UBAP2L: variants seen among roughly 807,000 people sequenced by gnomAD.
UBAP2L encodes ubiquitin-associated protein 2-like.
In UBAP2L, 12 loss-of-function variants were observed where a neutral mutation model predicts 130.6. That is an observed-to-expected ratio of 0.09 (90% CI 0.06 to 0.15). The LOEUF (loss-of-function observed/expected upper bound fraction) is 0.15. Ranked by LOEUF, UBAP2L falls within the 10% of genes least tolerant of loss-of-function variation. UBAP2L has a pLI of 1.00. For synonymous variants in UBAP2L, 503 were observed against 524.7 expected (o/e 0.96, Z 0.57); for missense variants, 965 against 1,332.5 (o/e 0.72, Z 4.29).
intron 1 of UBAP2L, among the ~76,000 whole-genome samples, chr1:154,223,959 T>A (rs1465486305): frequency 6.6e-6 from 1 of 152,154 alleles, no homozygotes; most frequent in Non-Finnish European, 1.5e-5. Context: ...CTTACCCTCT[T>A]TGGAAGGGAA....
chr1:154,228,540 C>T, intron 3 of UBAP2L, 75 bp from the exon 4 acceptor site: 1 of 1,147,696 alleles, frequency 8.7e-7, no homozygotes, highest in Non-Finnish European at 1.3e-6. Context: ...ATAGCGTTTC[C>T]CTTCACCTAG....
Position 154,255,678 on chromosome 1 carries a change from G to T in UBAP2L, c.2085-5G>T. 1.2e-6 allele frequency: 2 copies of T among 1,613,690 alleles called. No homozygotes were observed. The highest frequency in any genetic ancestry group is 2.2e-5 in the South Asian group (2 of 91,006). ...GGCTGATGGCAGCCTCTTTTTTTCT[G>T]ACAGCACGTTATCTACGCAGCAGAA... On this transcript the variant is annotated splice_region_variant and splice_polypyrimidine_tract_variant and intron_variant, in intron 17 of 26. Transcript: ENST00000428931.
intron 4 of UBAP2L, among the ~76,000 whole-genome samples, chr1:154,232,323 C>CA (rs201210068): frequency 0.051 from 6,175 of 121,688 alleles, 213 homozygotes; most frequent in African/African-American, 0.12. Flanking sequence ...ACTAAGTTTC[C>CA]AAAAAAAAAA....
At chr1:154,261,733 TG>T in intron 24 of UBAP2L, 36 bp downstream of exon 24, 1 of 1,599,434 alleles carries the variant, frequency 6.3e-7, no homozygotes, top group Non-Finnish European at 8.6e-7. Context: ...GTGTTATCTG[TG>T]GGGTGTTATT....
In UBAP2L at chr1:154,243,258, A is replaced by G. The variant is rs1674176297; in HGVS notation, c.798A>G (p.Ser266=). 6.2e-7 allele frequency: 1 copy of G among 1,612,112 alleles called. No individual in the cohort carries two copies. The highest frequency in any genetic ancestry group is 8.5e-7 in the Non-Finnish European group (1 of 1,178,468). Residue 266 remains serine (S), a synonymous_variant, in exon 10 of 27, where the codon TCA becomes TCG. Transcript: ENST00000428931. ...TCTTCACTGCCTCTAATGTGTCTTC[A>G]GTGCCTCTGCCTGCGGAGAATGTGA... ...TKIFTASNVS[S]VPLPAENVTI... is the part of the protein sequence containing the mutation.
chr1:154,258,792 A>G, intron 20 of UBAP2L, 185 bp from the exon 21 acceptor site: 2 of 536,780 alleles, frequency 3.7e-6, no homozygotes, highest in South Asian at 2.2e-5. Flanking sequence ...AAGACCTTTC[A>G]TGAATCATTT....
At chr1:154,249,962 A>G (rs1676964470) in intron 12 of UBAP2L, among the ~76,000 whole-genome samples, 1 of 151,614 alleles carries the variant, frequency 6.6e-6, no homozygotes, top group Non-Finnish European at 1.5e-5. Flanking sequence ...CCTTAGATTT[A>G]TCTTCAGTGT....
intron 23 of UBAP2L, 137 bp downstream of exon 23, chr1:154,261,246 A>T: frequency 4.8e-6 from 5 of 1,046,422 alleles, no homozygotes; most frequent in Non-Finnish European, 6.8e-6. Context: ...TTTTGGCCTG[A>T]TGCAGGGTGG....
At chr1:154,232,759 A>G (rs554085905) in intron 4 of UBAP2L, among the ~76,000 whole-genome samples, 191 of 152,232 alleles carry the variant, frequency 1.3e-3, no homozygotes, top group African/African-American at 4.5e-3. Flanking sequence ...GTACAGTCAC[A>G]TAACCACGAC....
At chr1:154,238,582 G>A (rs1055778681) in intron 8 of UBAP2L, among the ~76,000 whole-genome samples, 2 of 152,146 alleles carry the variant, frequency 1.3e-5, no homozygotes, top group Admixed American at 1.3e-4. Flanking sequence ...GAAAGGTAGT[G>A]TGTGTGTTAA....
chr1:154,226,260 C>T (rs969572284), intron 2 of UBAP2L, among the ~76,000 whole-genome samples: 1 of 152,212 alleles, frequency 6.6e-6, no homozygotes, highest in East Asian at 1.9e-4. Flanking sequence ...GGCAACTTCA[C>T]TATGTTTCTT....
At position 154,221,013 on chromosome 1, in the gene UBAP2L, G is replaced by GGCGGCA. The variant is rs1002086919; in HGVS notation, c.-41+48_-41+53dup. On this transcript the variant is annotated intron_variant, in intron 1 of 26. Coordinates refer to ENST00000428931, the MANE Select transcript of UBAP2L (RefSeq NM_014847.4). Reference sequence around the variant, plus strand: ...GCGCAGCGGCGTTGGCGGCGGCGGCGGCGGCAGCGGCAGCGCGGCGGGGCC... The same window carrying GGCGGCA: ...GCGCAGCGGCGTTGGCGGCGGCGGCGGCGGCAGCGGCAGCGGCAGCGCGGCGGGGCC... The GGCGGCA allele has an allele frequency of 1.6e-4, 33 of 201,958 alleles. 1 individual carries two copies. In the East Asian group the frequency reaches 1.7e-3, roughly 11 times the overall value. 12.5% of individuals were successfully genotyped at this position (201,958 alleles called of 1,614,324 possible).
intron 18 of UBAP2L, among the ~76,000 whole-genome samples, chr1:154,256,257 G>A (rs1207963710): frequency 6.6e-6 from 1 of 152,202 alleles, no homozygotes. Context: ...TTGGACAAAA[G>A]TATCAGATTT....
intron 11 of UBAP2L, among the ~76,000 whole-genome samples, chr1:154,247,664 G>A (rs1675965831): frequency 6.6e-6 from 1 of 152,164 alleles, no homozygotes; most frequent in Non-Finnish European, 1.5e-5. Context: ...AGGAGTTCAA[G>A]ACTATAGTGA....
At chr1:154,255,864 AT>A in intron 18 of UBAP2L, 109 bp downstream of exon 18, 1 of 1,339,482 alleles carries the variant, frequency 7.5e-7, no homozygotes, top group Non-Finnish European at 1.1e-6. Flanking sequence ...AGGTGGCAAA[AT>A]AATTGATTTG....
intron 25 of UBAP2L, among the ~76,000 whole-genome samples, chr1:154,268,529 T>G (rs112541923): frequency 4.5e-4 from 68 of 152,296 alleles, no homozygotes; most frequent in African/African-American, 1.6e-3. Context: ...ATCCCTGTTT[T>G]ATATCTGAGG....
In UBAP2L at chr1:154,241,563, G is replaced by C. The variant is rs1285257965; in HGVS notation, c.754G>C (p.Asp252His). 1 of 1,614,048 alleles carries C rather than the reference G, an allele frequency of 6.2e-7. No homozygotes were observed. Among genetic ancestry groups the C allele is most frequent in the Admixed American group, 1.7e-5 (1 of 60,012 alleles). ...EEWGTEDWNEDLSETKIFTAS... is the reference protein window; with the variant it reads ...EEWGTEDWNEHLSETKIFTAS... ...GTGGGGGACTGAAGATTGGAATGAAGATGTAGGTATTCCCAGGTCATTCCT... is the reference window on the plus strand; with the variant it reads ...GTGGGGGACTGAAGATTGGAATGAACATGTAGGTATTCCCAGGTCATTCCT... Residue 252 changes from aspartate (D) to histidine (H), a missense_variant and splice_region_variant, in exon 9 of 27, where the codon GAT becomes CAT. Transcript: ENST00000428931.
chr1:154,224,266 A>G (rs1256641421), intron 1 of UBAP2L, among the ~76,000 whole-genome samples: 2 of 152,220 alleles, frequency 1.3e-5, no homozygotes, highest in African/African-American at 2.4e-5. Context: ...ACTTTGTGCT[A>G]GATGCTTTTG....
At chr1:154,245,977 A>C (rs998633599) in intron 10 of UBAP2L, among the ~76,000 whole-genome samples, 2 of 152,212 alleles carry the variant, frequency 1.3e-5, no homozygotes, top group South Asian at 2.1e-4. Context: ...TCACTTAAAA[A>C]ATTAACCATT....
Sources: gnomAD v4.1 joint callset for allele counts (sites outside exome capture counted in the v4.1 genomes callset) on GRCh38, gnomAD v4.1.1 for gene constraint, MANE v1.5 for transcripts, NCBI Gene and HGNC (gene_info 2026-07-23, HGNC 2026-07-21) for gene names.